The following MEF2C variants were observed in gnomAD, a reference collection of about 807,000 sequenced individuals.
MEF2C encodes the protein myocyte enhancer factor 2C, also known as myocyte-specific enhancer factor 2C.
Under a neutral mutation model 50.5 loss-of-function variants are expected in MEF2C, and 6 were observed. That is an observed-to-expected ratio of 0.12 (90% CI 0.07 to 0.23). The LOEUF (loss-of-function observed/expected upper bound fraction) is 0.23. MEF2C is among the 10% of genes least tolerant of loss of function. The pLI is 1.00. For synonymous variants in MEF2C, 183 were observed against 228.0 expected, an observed-to-expected ratio of 0.80 and a Z score of 1.78; for missense variants, 276 against 605.0, an observed-to-expected ratio of 0.46 and a Z score of 5.70.
intron 2 of MEF2C, among the ~76,000 whole-genome samples, chr5:88,821,414 C>T (rs1269235156): frequency 6.6e-6 from 1 of 151,878 alleles, no homozygotes; most frequent in African/African-American, 2.4e-5. Flanking sequence ...GCCACTACCA[C>T]ACCCAGTTAA....
At chr5:88,801,096 G>C (rs1798130821) in intron 3 of MEF2C, among the ~76,000 whole-genome samples, 1 of 152,086 alleles carries the variant, frequency 6.6e-6, no homozygotes, top group Non-Finnish European at 1.5e-5. Context: ...CACTACTCTG[G>C]TATGGCCCAG....
At chr5:88,903,847 G>T (rs1285248194) in intron 1 of MEF2C, 1 of 151,684 alleles carries the variant, frequency 6.6e-6, no homozygotes, top group African/African-American at 2.4e-5. Context: ...TACCTCAGTG[G>T]TGCCTCTTTC....
chr5:88,804,868 T>G, intron 2 of MEF2C, 67 bp from the exon 3 acceptor site: 1 of 1,332,522 alleles, frequency 7.5e-7, no homozygotes, highest in South Asian at 1.3e-5. Context: ...TTTTCTTTTC[T>G]TTTTTCTTTT....
At chr5:88,890,379 A>G (rs1347249391) in intron 1 of MEF2C, among the ~76,000 whole-genome samples, 3 of 152,228 alleles carry the variant, frequency 2.0e-5, no homozygotes, top group Non-Finnish European at 4.4e-5. Context: ...CCTGTCTGGC[A>G]TTGTGGAATA....
At chr5:88,846,347 C>T (rs1390020121) in intron 1 of MEF2C, among the ~76,000 whole-genome samples, 4 of 152,140 alleles carry the variant, frequency 2.6e-5, no homozygotes, top group Non-Finnish European at 4.4e-5. Context: ...GAATTACAGG[C>T]GTGAGCCACC....
intron 2 of MEF2C, among the ~76,000 whole-genome samples, chr5:88,814,600 T>C (rs1294740879): frequency 6.6e-6 from 1 of 151,934 alleles, no homozygotes; most frequent in African/African-American, 2.4e-5. Flanking sequence ...CTGAACATGA[T>C]AAAAGGATTA....
At chr5:88,812,797 A>G (rs968628852) in intron 2 of MEF2C, among the ~76,000 whole-genome samples, 19 of 152,104 alleles carry the variant, frequency 1.2e-4, no homozygotes, top group Non-Finnish European at 2.4e-4. Context: ...CCCTCTTCAC[A>G]CAAAGTGCAT....
At chr5:88,744,327 G>A (rs1260066850) in intron 6 of MEF2C, among the ~76,000 whole-genome samples, 1 of 152,232 alleles carries the variant, frequency 6.6e-6, no homozygotes, top group Admixed American at 6.5e-5. Flanking sequence ...GCCGAGGTGG[G>A]CGGATTGCCT....
chr5:88,732,037 A>G, intron 6 of MEF2C, 136 bp from the exon 7 acceptor site: 1 of 785,550 alleles, frequency 1.3e-6, no homozygotes, highest in Non-Finnish European at 2.0e-6. Context: ...GACTGATTTG[A>G]CCTCCATGGG....
At chr5:88,843,805 C>CTTTTT (rs35382083) in intron 1 of MEF2C, among the ~76,000 whole-genome samples, 2 of 129,866 alleles carry the variant, frequency 1.5e-5, no homozygotes. Context: ...TCCTGTGAAA[C>CTTTTT]TTTTTTTTTT....
At chr5:88,814,328 G>T (rs1804300562) in intron 2 of MEF2C, among the ~76,000 whole-genome samples, 1 of 151,850 alleles carries the variant, frequency 6.6e-6, no homozygotes, top group Non-Finnish European at 1.5e-5. Context: ...GCAGACTTGT[G>T]TTCTAGACAA....
chr5:88,801,443 C>G (rs1378893328), intron 3 of MEF2C, among the ~76,000 whole-genome samples: 1 of 151,786 alleles, frequency 6.6e-6, no homozygotes, highest in Non-Finnish European at 1.5e-5. Context: ...AATTTATGTA[C>G]TAGTGCTGCA....
At chr5:88,762,912 AAAAT>A (rs1314065620) in intron 3 of MEF2C, among the ~76,000 whole-genome samples, 4 of 152,228 alleles carry the variant, frequency 2.6e-5, no homozygotes, top group East Asian at 1.9e-4. Context: ...GCAATTGGGG[AAAAT>A]AAATAAAACA....
intron 6 of MEF2C, chr5:88,746,472 C>A (rs1270966015): frequency 2.1e-6 from 2 of 962,922 alleles, no homozygotes; most frequent in Non-Finnish European, 1.2e-6. Context: ...AGTGAGATGA[C>A]TTGATTTAGA....
At chr5:88,882,727 G>C (rs961635461) in intron 1 of MEF2C, among the ~76,000 whole-genome samples, 3 of 152,180 alleles carry the variant, frequency 2.0e-5, no homozygotes, top group African/African-American at 7.2e-5. Flanking sequence ...AGTCAGGAGT[G>C]ATTTCAATAG....
intron 1 of MEF2C, among the ~76,000 whole-genome samples, chr5:88,903,232 C>G (rs1292536162): frequency 6.6e-6 from 1 of 151,598 alleles, no homozygotes; most frequent in East Asian, 1.9e-4. Context: ...TGCTTTAATA[C>G]CGTCTTGGTT....
chr5:88,863,332 C>T (rs1826117129), intron 1 of MEF2C, among the ~76,000 whole-genome samples: 1 of 152,206 alleles, frequency 6.6e-6, no homozygotes, highest in Admixed American at 6.5e-5. Flanking sequence ...TCCCATGAAA[C>T]ACTTAGTGAA....
chr5:88,756,883 C>T (rs187970025), intron 4 of MEF2C, among the ~76,000 whole-genome samples: 3 of 151,824 alleles, frequency 2.0e-5, no homozygotes, highest in Admixed American at 2.0e-4. Context: ...TTTACAAACA[C>T]TCAAGATAGG....
chr5:88,846,180 T>G lies in MEF2C; in HGVS notation c.-142-22250A>C, dbSNP rs969404429. On this transcript the variant is annotated intron_variant, in intron 1 of 10. Transcript: ENST00000504921. Reference sequence around the variant, plus strand: ...CCTCCCGGGTTCATGCGATTCTCCTTGCCTTAGCCTCCTGGTAGCTGGGAC... The same window carrying G: ...CCTCCCGGGTTCATGCGATTCTCCTGGCCTTAGCCTCCTGGTAGCTGGGAC... Among the ~76,000 whole-genome samples the G allele has an allele frequency of 3.3e-5, 5 of 152,092 alleles. No homozygotes were observed. In the East Asian group the frequency reaches 9.7e-4, roughly 29 times the overall value.
Sources: gnomAD v4.1 joint callset for allele counts (sites outside exome capture counted in the v4.1 genomes callset) on GRCh38, gnomAD v4.1.1 for gene constraint, MANE v1.5 for transcripts, NCBI Gene and HGNC (gene_info 2026-07-23, HGNC 2026-07-21) for gene names.